Variants in MECOM observed in about 807,000 individuals in gnomAD.
The protein encoded by MECOM is MDS1 and EVI1 complex locus.
A neutral mutation model predicts 116.3 loss-of-function variants in MECOM; 13 were observed. The ratio of observed to expected loss-of-function variants is 0.11; its 90% CI spans 0.07 to 0.18. The LOEUF (loss-of-function observed/expected upper bound fraction) is 0.18, where lower values mean the gene tolerates loss of function less well. MECOM is among the 10% of genes least tolerant of loss of function. The pLI is 1.00. For missense variants in MECOM, 1,299 were observed against 1,509.0 expected (o/e 0.86, Z 2.31); for synonymous variants, 528 against 535.2 (o/e 0.99, Z 0.19).
intron 1 of MECOM, among the ~76,000 whole-genome samples, chr3:169,655,552 C>T (rs1210270211): frequency 1.3e-5 from 2 of 152,140 alleles, no homozygotes; most frequent in African/African-American, 4.8e-5. Flanking sequence ...ATTTTATTTA[C>T]ACATCCCCCT....
intron 1 of MECOM, among the ~76,000 whole-genome samples, chr3:169,610,651 A>G (rs1769154293): frequency 6.6e-6 from 1 of 152,304 alleles, no homozygotes; most frequent in Admixed American, 6.5e-5. Context: ...TGCTGTGTAC[A>G]TGTGCATAAG....
At chr3:169,367,120 G>A (rs374693457) in intron 2 of MECOM, among the ~76,000 whole-genome samples, 2 of 152,040 alleles carry the variant, frequency 1.3e-5, no homozygotes, top group East Asian at 1.9e-4. Flanking sequence ...TATTGAATAA[G>A]TGTCTCTGTA....
At chr3:169,232,586 G>A (rs1337756957) in intron 2 of MECOM, among the ~76,000 whole-genome samples, 1 of 151,902 alleles carries the variant, frequency 6.6e-6, no homozygotes, top group East Asian at 1.9e-4. Flanking sequence ...ATGAGTTGCA[G>A]AGGGAGTATA....
intron 2 of MECOM, among the ~76,000 whole-genome samples, chr3:169,378,466 C>CGAGA (rs1731611292): frequency 2.2e-5 from 1 of 44,900 alleles, no homozygotes; most frequent in Non-Finnish European, 3.9e-5. Flanking sequence ...AGCAAGCAAG[C>CGAGA]AAGCAAGCAA....
chr3:169,468,325 C>A (rs1482206502), intron 1 of MECOM, among the ~76,000 whole-genome samples: 2 of 152,244 alleles, frequency 1.3e-5, no homozygotes, highest in East Asian at 3.9e-4. Flanking sequence ...CATACAAGAT[C>A]TGCTCCACTG....
intron 2 of MECOM, among the ~76,000 whole-genome samples, chr3:169,344,894 G>C (rs1388523220): frequency 6.6e-6 from 1 of 152,150 alleles, no homozygotes; most frequent in African/African-American, 2.4e-5. Flanking sequence ...GAAGAGGTAA[G>C]AGACATCACA....
intron 10 of MECOM, among the ~76,000 whole-genome samples, chr3:169,102,802 A>C (rs1724046198): frequency 6.6e-6 from 1 of 152,096 alleles, no homozygotes; most frequent in African/African-American, 2.4e-5. Flanking sequence ...GATATGCCAT[A>C]TTTTTATGTA....
chr3:169,258,481 T>C (rs1412268941), intron 2 of MECOM, among the ~76,000 whole-genome samples: 1 of 152,226 alleles, frequency 6.6e-6, no homozygotes, highest in Non-Finnish European at 1.5e-5. Context: ...GTATTTCTAT[T>C]ACTGTTCTTC....
intron 2 of MECOM, among the ~76,000 whole-genome samples, chr3:169,198,158 CA>C (rs919134143): frequency 1.3e-5 from 2 of 151,842 alleles, no homozygotes; most frequent in African/African-American, 4.8e-5. Flanking sequence ...ATTCTTCTGA[CA>C]ATAAAAGATG....
chr3:169,168,364 T>A (rs1743934441), intron 2 of MECOM, among the ~76,000 whole-genome samples: 1 of 148,862 alleles, frequency 6.7e-6, no homozygotes, highest in Non-Finnish European at 1.5e-5. Flanking sequence ...TTGGTTCCAT[T>A]TCTTCAAATT....
At position 169,571,750 on chromosome 3, in the gene MECOM, C is replaced by T. The variant is rs1763937294; in HGVS notation, c.37+91586G>A. Among the ~76,000 whole-genome samples the T allele has an allele frequency of 1.3e-5, 2 of 152,140 alleles. 1 individual carries two copies. The highest frequency in any genetic ancestry group is 4.8e-5 in the African/African-American group (2 of 41,416). On this transcript the variant is annotated intron_variant, in intron 1 of 16. Coordinates refer to ENST00000651503, the MANE Select transcript of MECOM (RefSeq NM_004991.4). ...AAAACAAGCAATAAGGAAAGGATTC[C>T]CTATTTAATAAATGGTGTTGGGAAA...
At chr3:169,335,075 T>C (rs1723378550) in intron 2 of MECOM, among the ~76,000 whole-genome samples, 1 of 152,142 alleles carries the variant, frequency 6.6e-6, no homozygotes, top group East Asian at 1.9e-4. Context: ...AGTTCATTTT[T>C]TTCAGGGGTT....
chr3:169,446,932 G>A (rs867437565), intron 1 of MECOM, among the ~76,000 whole-genome samples: 1 of 152,136 alleles, frequency 6.6e-6, no homozygotes, highest in African/African-American at 2.4e-5. Context: ...GGTTCACTAA[G>A]TGGAAAATTA....
intron 2 of MECOM, among the ~76,000 whole-genome samples, chr3:169,264,466 T>C (rs1191767403): frequency 2.0e-5 from 3 of 152,158 alleles, no homozygotes; most frequent in African/African-American, 4.8e-5. Context: ...AGCAGTGTTA[T>C]AAATCAATTA....
At chr3:169,098,794 C>G (rs367902862) in intron 12 of MECOM, among the ~76,000 whole-genome samples, 2 of 152,050 alleles carry the variant, frequency 1.3e-5, no homozygotes, top group East Asian at 3.9e-4. Flanking sequence ...TGTCTGAGTG[C>G]TGGGATTGTA....
intron 1 of MECOM, among the ~76,000 whole-genome samples, chr3:169,527,268 AAAG>A (rs1232524727): frequency 6.6e-6 from 1 of 152,204 alleles, no homozygotes; most frequent in African/African-American, 2.4e-5. Flanking sequence ...GAGAAAAAGA[AAAG>A]AAAGAAATCT....
chr3:169,382,865 T>TAA (rs1194079538), intron 1 of MECOM, among the ~76,000 whole-genome samples: 12 of 44,812 alleles, frequency 2.7e-4, no homozygotes, highest in African/African-American at 8.1e-4. Context: ...AAAAAAAAAA[T>TAA]AAAAAAAATA....
chr3:169,108,571 A>G (rs9833595), intron 9 of MECOM, among the ~76,000 whole-genome samples: 6,264 of 152,230 alleles, frequency 0.041, 430 homozygotes, highest in African/African-American at 0.14. Context: ...AAGCTCTTCC[A>G]GGAGACACAA....
intron 6 of MECOM, 24 bp from the exon 7 acceptor site, chr3:169,121,233 A>C: frequency 6.4e-7 from 1 of 1,567,374 alleles, no homozygotes; most frequent in Non-Finnish European, 8.7e-7. Flanking sequence ...AGTACTGATT[A>C]ATCAAGAAAC....
Sources: gnomAD v4.1 joint callset for allele counts (sites outside exome capture counted in the v4.1 genomes callset) on GRCh38, gnomAD v4.1.1 for gene constraint, MANE v1.5 for transcripts, NCBI Gene and HGNC (gene_info 2026-07-23, HGNC 2026-07-21) for gene names.